TTC29: variants seen among roughly 807,000 people sequenced by gnomAD.
TTC29 encodes the protein tetratricopeptide repeat domain 29, also known as tetratricopeptide repeat protein 29.
Under a neutral mutation model 58.1 loss-of-function variants are expected in TTC29, and 49 were observed. The ratio of observed to expected loss-of-function variants is 0.84; its 90% CI spans 0.67 to 1.07. The LOEUF is 1.07. Ranked by LOEUF, TTC29 falls within the 50% of genes least tolerant of loss-of-function variation. TTC29 has a pLI of 0.00. For synonymous variants in TTC29, 209 were observed against 196.8 expected (o/e 1.06, Z -0.52); for missense variants, 582 against 555.6 (o/e 1.05, Z -0.48).
intron 11 of TTC29, among the ~76,000 whole-genome samples, chr4:146,762,346 CTTTTTT>C (rs34223852): frequency 2.2e-5 from 3 of 136,708 alleles, no homozygotes; most frequent in African/African-American, 8.0e-5. Context: ...AGTGTAATTT[CTTTTTT>C]TTTTTTTTTT....
chr4:146,869,007 C>G (rs1230072573), intron 7 of TTC29, among the ~76,000 whole-genome samples: 5 of 151,140 alleles, frequency 3.3e-5, no homozygotes, highest in African/African-American at 1.2e-4. Context: ...TGCTCCCCTT[C>G]GCCTTCTGCC....
chr4:146,805,397 G>T (rs984601749), intron 10 of TTC29, among the ~76,000 whole-genome samples: 4 of 152,022 alleles, frequency 2.6e-5, no homozygotes, highest in African/African-American at 9.7e-5. Flanking sequence ...TTGACAAACT[G>T]ACAGAAGTAG....
At chr4:146,866,223 G>T (rs1008617430) in intron 8 of TTC29, among the ~76,000 whole-genome samples, 3 of 152,150 alleles carry the variant, frequency 2.0e-5, no homozygotes, top group African/African-American at 7.2e-5. Flanking sequence ...GAGAGAGAAA[G>T]AATATCTATG....
rs534191847 is a variant in TTC29, at chr4:146,811,222, C to T, written c.1102-7537G>A. On this transcript the variant is annotated intron_variant, in intron 10 of 12. Transcript: ENST00000325106. ...TACTGTTTACATGGCTCTTATGAAG[C>T]ATGGGGGCCAATGCTAAATACTTCG... 2.8e-4 allele frequency among the ~76,000 whole-genome samples: 42 copies of T among 152,258 alleles called. 1 individual carries two copies. The South Asian group carries it at 8.5e-3, about 31-fold the overall frequency.
intron 9 of TTC29, among the ~76,000 whole-genome samples, chr4:146,833,433 C>T (rs543102249): frequency 1.2e-4 from 19 of 152,262 alleles, no homozygotes; most frequent in African/African-American, 4.6e-4. Context: ...TGGAAACTTT[C>T]CTCAAAGAAG....
At chr4:146,768,880 T>C (rs1286325578) in intron 11 of TTC29, among the ~76,000 whole-genome samples, 2 of 152,138 alleles carry the variant, frequency 1.3e-5, no homozygotes, top group East Asian at 1.9e-4. Flanking sequence ...CAAGTAGTTA[T>C]TGCATGTCAT....
At chr4:146,866,849 G>A (rs7680245) in intron 8 of TTC29, among the ~76,000 whole-genome samples, 101,179 of 152,038 alleles carry the variant, frequency 0.67, 35,929 homozygotes, top group African/African-American at 0.92. Flanking sequence ...TAGGTGAAAT[G>A]CTTTAAATAC....
intron 11 of TTC29, among the ~76,000 whole-genome samples, chr4:146,720,222 G>T (rs1391151668): frequency 6.6e-6 from 1 of 152,092 alleles, no homozygotes; most frequent in Non-Finnish European, 1.5e-5. Context: ...GATTTAGTAA[G>T]ACTCTAAGAT....
intron 8 of TTC29, among the ~76,000 whole-genome samples, chr4:146,854,112 A>G (rs542462910): frequency 6.6e-6 from 1 of 152,282 alleles, no homozygotes; most frequent in East Asian, 1.9e-4. Flanking sequence ...ATTTGCCCAC[A>G]GTAATAACTG....
intron 2 of TTC29, among the ~76,000 whole-genome samples, chr4:146,941,217 G>C (rs73855096): frequency 0.1 from 15,348 of 152,146 alleles, 1,605 homozygotes; most frequent in African/African-American, 0.27. Context: ...ATCCCACCCC[G>C]TCTATGTCCA....
At chr4:146,894,197 T>A (rs1320793012) in intron 6 of TTC29, among the ~76,000 whole-genome samples, 1 of 152,172 alleles carries the variant, frequency 6.6e-6, no homozygotes, top group Non-Finnish European at 1.5e-5. Flanking sequence ...CCCAAAGGAT[T>A]ATAAATCATG....
chr4:146,748,926 A>G lies in TTC29; in HGVS notation c.1331-41375T>C, dbSNP rs1314418534. Among the ~76,000 whole-genome samples the G allele has an allele frequency of 2.6e-5, 4 of 152,222 alleles. No homozygotes were observed. The East Asian group carries it at 7.7e-4, about 29-fold the overall frequency. ...AAATCTATGAATTACCTGAAAGAGA[A>G]TCCACAATAATGATCTTAAGCAAAC... On this transcript the variant is annotated intron_variant, in intron 11 of 12. Coordinates refer to ENST00000325106, the MANE Select transcript of TTC29 (RefSeq NM_031956.4).
chr4:146,929,728 T>C (rs1243989412), intron 4 of TTC29, among the ~76,000 whole-genome samples: 3 of 152,110 alleles, frequency 2.0e-5, no homozygotes, highest in Non-Finnish European at 4.4e-5. Context: ...ATGAAGGAAC[T>C]GTCAAGTTTT....
At chr4:146,824,662 G>A (rs1727642918) in intron 9 of TTC29, among the ~76,000 whole-genome samples, 1 of 152,128 alleles carries the variant, frequency 6.6e-6, no homozygotes, top group Non-Finnish European at 1.5e-5. Context: ...GTTTGGAATA[G>A]TTCCAGAAGG....
chr4:146,797,529 T>C (rs1749908217), intron 11 of TTC29, among the ~76,000 whole-genome samples: 2 of 152,070 alleles, frequency 1.3e-5, no homozygotes, highest in Admixed American at 6.6e-5. Flanking sequence ...ATTCTAGGTT[T>C]GATGCTTATT....
intron 6 of TTC29, among the ~76,000 whole-genome samples, chr4:146,884,101 A>T (rs1003185637): frequency 1.2e-4 from 18 of 152,100 alleles, no homozygotes; most frequent in African/African-American, 4.3e-4. Flanking sequence ...AAATACTATA[A>T]GGTCTTATGA....
chr4:146,758,768 A>G (rs1009784077), intron 11 of TTC29, among the ~76,000 whole-genome samples: 1 of 152,282 alleles, frequency 6.6e-6, no homozygotes, highest in East Asian at 1.9e-4. Context: ...ATGAAGATGG[A>G]AATTAAAAAA....
intron 8 of TTC29, among the ~76,000 whole-genome samples, chr4:146,841,047 CAAAG>C (rs1255674182): frequency 2.6e-5 from 4 of 152,128 alleles, no homozygotes; most frequent in Non-Finnish European, 5.9e-5. Flanking sequence ...TTTCTGATTT[CAAAG>C]AAAGTATTTA....
intron 7 of TTC29, among the ~76,000 whole-genome samples, chr4:146,874,479 T>C (rs917604647): frequency 6.6e-6 from 1 of 152,146 alleles, no homozygotes. Flanking sequence ...TTTACAACAC[T>C]ACCCCCAGCG....
Sources: gnomAD v4.1 joint callset for allele counts (sites outside exome capture counted in the v4.1 genomes callset) on GRCh38, gnomAD v4.1.1 for gene constraint, MANE v1.5 for transcripts, NCBI Gene and HGNC (gene_info 2026-07-23, HGNC 2026-07-21) for gene names.